The following PTPRD variants were observed in gnomAD, a reference collection of about 807,000 sequenced individuals.
The protein encoded by PTPRD is receptor-type tyrosine-protein phosphatase delta.
PTPRD carries 34 observed loss-of-function variants against 214.5 expected under a neutral mutation model. The observed-to-expected ratio is 0.16, with a 90% CI of 0.12 to 0.21. The LOEUF (loss-of-function observed/expected upper bound fraction) is 0.21, where lower values mean the gene tolerates loss of function less well. Among genes scored for constraint, PTPRD ranks in the 10% least tolerant of loss-of-function variants. PTPRD has a pLI of 1.00. For missense variants in PTPRD, 2,545 were observed against 2,398.7 expected, an observed-to-expected ratio of 1.06 and a Z score of -1.27; for synonymous variants, 1,128 against 845.7, an observed-to-expected ratio of 1.33 and a Z score of -5.79.
chr9:9,750,671 T>G (rs1000670347), intron 6 of PTPRD, among the ~76,000 whole-genome samples: 7 of 152,044 alleles, frequency 4.6e-5, no homozygotes, highest in African/African-American at 9.7e-5. Context: ...AGCTTACCCT[T>G]TAACAAAACA....
At chr9:8,558,708 T>G (rs559982581) in intron 14 of PTPRD, among the ~76,000 whole-genome samples, 1 of 152,204 alleles carries the variant, frequency 6.6e-6, no homozygotes, top group Admixed American at 6.5e-5. Context: ...TCAGTTGTCA[T>G]CACTATCCAT....
At chr9:8,557,455 T>TATATATATACACACACATACACATAC in intron 14 of PTPRD, among the ~76,000 whole-genome samples, 3 of 135,640 alleles carry the variant, frequency 2.2e-5, no homozygotes, top group African/African-American at 1.0e-4. Context: ...TATATATATA[T>TATATATATACACACACATACACATAC]ATTTGGGCCG....
intron 9 of PTPRD, among the ~76,000 whole-genome samples, chr9:9,270,429 A>G (rs567771498): frequency 6.6e-6 from 1 of 151,458 alleles, no homozygotes; most frequent in South Asian, 2.1e-4. Flanking sequence ...GTTGGGAAAA[A>G]GGGCAGAAAG....
chr9:9,580,504 C>G (rs566515695), intron 7 of PTPRD, among the ~76,000 whole-genome samples: 5 of 146,174 alleles, frequency 3.4e-5, no homozygotes, highest in South Asian at 2.2e-4. Context: ...TGTATGTTTT[C>G]TTTTGAATGG....
chr9:9,997,608 G>GGAATTATTAA (rs1290615940), intron 4 of PTPRD, among the ~76,000 whole-genome samples: 2 of 152,086 alleles, frequency 1.3e-5, no homozygotes, highest in East Asian at 3.9e-4. Context: ...TTTTAATAAA[G>GGAATTATTAA]GAATTATTAA....
At chr9:8,386,756 C>A (rs1365956139) in intron 37 of PTPRD, among the ~76,000 whole-genome samples, 1 of 152,194 alleles carries the variant, frequency 6.6e-6, no homozygotes, top group Non-Finnish European at 1.5e-5. Flanking sequence ...AAAGCCAATT[C>A]CAGCTCTTGT....
intron 7 of PTPRD, among the ~76,000 whole-genome samples, chr9:9,715,318 C>T (rs376769007): frequency 1.1e-3 from 171 of 152,226 alleles, no homozygotes; most frequent in African/African-American, 3.9e-3. Context: ...GGTTGGCATA[C>T]AGTTAATGCT....
intron 5 of PTPRD, among the ~76,000 whole-genome samples, chr9:9,767,605 T>G (rs1447575102): frequency 6.6e-6 from 1 of 152,090 alleles, no homozygotes; most frequent in Non-Finnish European, 1.5e-5. Flanking sequence ...AATCTAATTA[T>G]AAGAATTTCA....
chr9:10,316,230 A>G (rs1202399272), intron 3 of PTPRD, among the ~76,000 whole-genome samples: 1 of 150,484 alleles, frequency 6.6e-6, no homozygotes, highest in Non-Finnish European at 1.5e-5. Context: ...ACGACTGTGC[A>G]CTATTATACA....
At chr9:9,358,473 G>T (rs1328944973) in intron 9 of PTPRD, among the ~76,000 whole-genome samples, 1 of 151,154 alleles carries the variant, frequency 6.6e-6, no homozygotes, top group African/African-American at 2.4e-5. Context: ...GTTCATCCAG[G>T]AAGAATTTGG....
rs1164243746 is a variant in PTPRD, at chr9:10,050,559, CAAAAAAAAAAA to C, written c.-544-16780_-544-16770del. On this transcript the variant is annotated intron_variant, in intron 3 of 45. Transcript: ENST00000381196. ...TGGGCAATAAAGAGAGAGTCTGTCT[CAAAAAAAAAAA>C]AAAAAAAAAAAAAAAAAAAAGACTA... 5.6e-3 allele frequency among the ~76,000 whole-genome samples: 79 copies of C among 13,994 alleles called. No homozygotes were observed. In the South Asian group the frequency reaches 0.13, roughly 22 times the overall value. 9.2% of individuals were successfully genotyped at this position (13,994 alleles called of 152,430 possible). A position where few individuals can be genotyped will look rare whatever the true frequency, so the allele number is the denominator to read the frequency against.
At chr9:9,019,224 AAGAC>A (rs2099549795) in intron 10 of PTPRD, among the ~76,000 whole-genome samples, 1 of 151,726 alleles carries the variant, frequency 6.6e-6, no homozygotes, top group Non-Finnish European at 1.5e-5. Context: ...TTATTATAGA[AAGAC>A]AGAATCTACC....
In PTPRD at chr9:9,170,870, G is replaced by C. The variant is rs573061055; in HGVS notation, c.-143+12434C>G. On this transcript the variant is annotated intron_variant, in intron 10 of 45. Coordinates refer to ENST00000381196, the MANE Select transcript of PTPRD (RefSeq NM_002839.4). Reference sequence around the variant, plus strand: ...GAGAATGAGAGTAGGAGGGAAGCAAGATGGTCCAGAATGATAATGAGCCAG... The same window carrying C: ...GAGAATGAGAGTAGGAGGGAAGCAACATGGTCCAGAATGATAATGAGCCAG... 2.6e-5 allele frequency among the ~76,000 whole-genome samples: 4 copies of C among 152,278 alleles called. No homozygotes were observed. The East Asian group carries it at 7.7e-4, about 29-fold the overall frequency.
chr9:9,216,080 T>A (rs1466320463), intron 9 of PTPRD, among the ~76,000 whole-genome samples: 2 of 152,176 alleles, frequency 1.3e-5, no homozygotes, highest in African/African-American at 4.8e-5. Flanking sequence ...ATTCCATTCC[T>A]TACTAGCTAT....
chr9:9,814,402 A>G (rs966198356), intron 5 of PTPRD, among the ~76,000 whole-genome samples: 3 of 152,016 alleles, frequency 2.0e-5, no homozygotes, highest in Admixed American at 6.6e-5. Context: ...TCAACCCCCC[A>G]CTATAAAACC....
chr9:10,251,576 G>GTGAA (rs1359036420), intron 3 of PTPRD, among the ~76,000 whole-genome samples: 3 of 152,114 alleles, frequency 2.0e-5, no homozygotes, highest in Non-Finnish European at 4.4e-5. Flanking sequence ...CTTGTGTAAT[G>GTGAA]TGAATGACAG....
At chr9:10,094,097 AAAAAT>A (rs67146024) in intron 3 of PTPRD, among the ~76,000 whole-genome samples, 2,906 of 151,422 alleles carry the variant, frequency 0.019, 38 homozygotes, top group African/African-American at 0.034. Flanking sequence ...AATCAACGTT[AAAAAT>A]AAAATAAAAT....
At position 8,666,175 on chromosome 9, in the gene PTPRD, T is replaced by C. The variant is rs368662001; in HGVS notation, c.65-29331A>G. ...AGGTTGAAAAATCCAACAATTTAAATTGAAGATTTTTTTCCCCTGCTGTAG... is the reference window on the plus strand; with the variant it reads ...AGGTTGAAAAATCCAACAATTTAAACTGAAGATTTTTTTCCCCTGCTGTAG... On this transcript the variant is annotated intron_variant, in intron 12 of 45. Coordinates refer to ENST00000381196, the MANE Select transcript of PTPRD (RefSeq NM_002839.4). Among the ~76,000 whole-genome samples, 72 of 152,204 alleles carry C rather than the reference T, an allele frequency of 4.7e-4. 1 individual carries two copies. The South Asian group carries it at 0.014, about 30-fold the overall frequency.
chr9:8,787,422 C>G (rs1443697988), intron 11 of PTPRD, among the ~76,000 whole-genome samples: 1 of 152,166 alleles, frequency 6.6e-6, no homozygotes, highest in Non-Finnish European at 1.5e-5. Context: ...GTTCCCTGCC[C>G]TTTATCTTAA....
Sources: allele counts gnomAD v4.1 joint callset (sites outside exome capture counted in the v4.1 genomes callset), GRCh38; gene constraint gnomAD v4.1.1; transcripts MANE v1.5; gene names NCBI Gene and HGNC (gene_info 2026-07-23, HGNC 2026-07-21).